CACNA1A: variants seen among roughly 807,000 people sequenced by gnomAD.
CACNA1A encodes calcium voltage-gated channel subunit alpha1 A, also known as voltage-dependent P/Q-type calcium channel subunit alpha-1A.
A neutral mutation model predicts 262.4 loss-of-function variants in CACNA1A; 57 were observed. The ratio of observed to expected loss-of-function variants is 0.22; its 90% CI spans 0.18 to 0.27. The LOEUF (loss-of-function observed/expected upper bound fraction) is 0.27, where lower values mean the gene tolerates loss of function less well. Ranked by LOEUF, CACNA1A falls within the 10% of genes least tolerant of loss-of-function variation. The pLI is 1.00. For synonymous variants in CACNA1A, 1,431 were observed against 1,419.3 expected, an observed-to-expected ratio of 1.01 and a Z score of -0.18; for missense variants, 2,526 against 3,562.8, an observed-to-expected ratio of 0.71 and a Z score of 7.41.
chr19:13,209,006 A>G lies in CACNA1A; in HGVS notation c.6530T>C (p.Leu2177Ser). ...GGTGGTCATGCTCAGGTCTGTCCCC[A>G]AGCCTGGGCCGGGTGAGGGTCAGAC... ...LGRYTDVDTGLGTDLSMTTQS... is the reference protein window; with the variant it reads ...LGRYTDVDTGSGTDLSMTTQS... Residue 2177 changes from leucine to serine, a missense_variant, in exon 46 of 47, where the codon TTG becomes TCG. By Grantham distance (145) the Leu-to-Ser change is moderately radical. Coordinates refer to ENST00000360228, the MANE Select transcript of CACNA1A (RefSeq NM_001127222.2). The G allele has an allele frequency of 6.5e-7, 1 of 1,536,968 alleles. No homozygotes were observed. The highest frequency in any genetic ancestry group is 8.7e-7 in the Non-Finnish European group (1 of 1,146,852).
chr19:13,483,592 G>A (rs1240289367), intron 1 of CACNA1A, among the ~76,000 whole-genome samples: 1 of 152,158 alleles, frequency 6.6e-6, no homozygotes, highest in Non-Finnish European at 1.5e-5. Flanking sequence ...AGCTGAAAAA[G>A]AGAGAAGAAT....
chr19:13,273,591 T>A (rs2057075333), intron 24 of CACNA1A: 1 of 152,132 alleles, frequency 6.6e-6, no homozygotes, highest in African/African-American at 2.4e-5. Context: ...TTGATGTGCA[T>A]TGTATTTTGT....
At chr19:13,352,738 A>T (rs2058935993) in intron 6 of CACNA1A, among the ~76,000 whole-genome samples, 1 of 152,126 alleles carries the variant, frequency 6.6e-6, no homozygotes, top group Non-Finnish European at 1.5e-5. Flanking sequence ...TCCTCTTAGG[A>T]ACCCTCCCTG....
intron 27 of CACNA1A, 101 bp downstream of exon 27, chr19:13,259,463 T>C (rs1166219811): frequency 7.6e-6 from 9 of 1,179,764 alleles, no homozygotes; most frequent in Non-Finnish European, 9.4e-6. Flanking sequence ...TGAGCCACCA[T>C]GCCCGGCCTC....
chr19:13,404,189 T>C (rs59052728), intron 3 of CACNA1A, among the ~76,000 whole-genome samples: 27,761 of 150,914 alleles, frequency 0.18, 5,241 homozygotes, highest in African/African-American at 0.47. Flanking sequence ...TATACACATA[T>C]ACACACACAC....
At chr19:13,342,950 G>T (rs1376368327) in intron 6 of CACNA1A, among the ~76,000 whole-genome samples, 2 of 151,974 alleles carry the variant, frequency 1.3e-5, no homozygotes, top group African/African-American at 4.8e-5. Flanking sequence ...GTAGAGAGGG[G>T]GTCTCTGTTG....
chr19:13,497,939 T>C (rs1237910363), intron 1 of CACNA1A, among the ~76,000 whole-genome samples: 1 of 151,736 alleles, frequency 6.6e-6, no homozygotes, highest in African/African-American at 2.4e-5. Context: ...GGGTGGACTG[T>C]TCCCAAGCTC....
At chr19:13,478,765 G>A (rs1978887328) in intron 1 of CACNA1A, among the ~76,000 whole-genome samples, 1 of 152,222 alleles carries the variant, frequency 6.6e-6, no homozygotes, top group African/African-American at 2.4e-5. Flanking sequence ...ATTTCCAGAT[G>A]AATGCTATTG....
chr19:13,246,448 G>A (rs903711737), intron 30 of CACNA1A, among the ~76,000 whole-genome samples: 1 of 152,068 alleles, frequency 6.6e-6, no homozygotes, highest in African/African-American at 2.4e-5. Flanking sequence ...TGTGAGCCTG[G>A]GTCCCTGGGT....
chr19:13,337,085 G>A (rs2058590545), intron 6 of CACNA1A, among the ~76,000 whole-genome samples: 1 of 152,230 alleles, frequency 6.6e-6, no homozygotes. Context: ...ATTACTACCA[G>A]GTGTCTGTGA....
chr19:13,300,478 C>T (rs974389467), intron 18 of CACNA1A, 72 bp downstream of exon 18: 15 of 1,106,512 alleles, frequency 1.4e-5, no homozygotes, highest in Non-Finnish European at 1.8e-5. Flanking sequence ...CCCACTGCTT[C>T]CCAAATCTGT....
Position 13,376,967 on chromosome 19 carries a change from A to ACATACATATATATATATGTATG in CACNA1A, c.540-5189_540-5188insCATACATATATATATATGTATG, listed in dbSNP as rs1568586741. 7.0e-5 allele frequency among the ~76,000 whole-genome samples: 10 copies of ACATACATATATATATATGTATG among 141,920 alleles called. 1 individual carries two copies. The highest frequency in any genetic ancestry group is 2.3e-4 in the African/African-American group (9 of 38,516). 93.1% of individuals were successfully genotyped at this position (141,920 alleles called of 152,430 possible). On this transcript the variant is annotated intron_variant, in intron 3 of 46. Coordinates refer to ENST00000360228, the MANE Select transcript of CACNA1A (RefSeq NM_001127222.2). ...ATTACATATAACATGTTATATATATATATGTATTTTAGATGAAGTCGCACT... is the reference window on the plus strand; with the variant it reads ...ATTACATATAACATGTTATATATATACATACATATATATATATGTATGTATGTATTTTAGATGAAGTCGCACT...
chr19:13,323,486 C>T (rs544429868), intron 10 of CACNA1A, among the ~76,000 whole-genome samples: 3 of 152,102 alleles, frequency 2.0e-5, no homozygotes, highest in Admixed American at 6.6e-5. Flanking sequence ...GACAGGGTCT[C>T]GGTCTCCTTC....
chr19:13,243,102 G>T (rs1414755852), intron 31 of CACNA1A, among the ~76,000 whole-genome samples: 3 of 152,200 alleles, frequency 2.0e-5, no homozygotes, highest in Non-Finnish European at 2.9e-5. Context: ...TTGGTTCAAG[G>T]CTGTCTTGTA....
rs116918837 is a variant in CACNA1A, at chr19:13,499,413, G to C, written c.293+6519C>G. Among the ~76,000 whole-genome samples the C allele has an allele frequency of 3.4e-4, 44 of 131,204 alleles. No individual in the cohort carries two copies. In the East Asian group the frequency reaches 9.5e-3, roughly 28 times the overall value. The allele number at this position is 131,204 out of a possible 152,430, so 86.1% of individuals were successfully genotyped here. A position where few individuals can be genotyped will look rare whatever the true frequency, so the allele number is the denominator to read the frequency against. On this transcript the variant is annotated intron_variant, in intron 1 of 46. Transcript: ENST00000360228. ...GTGGCTTTAAAGAGCGCCACGATCA[G>C]GTTAATCAATCCACACTGACCAGTC...
intron 43 of CACNA1A, chr19:13,211,891 C>T: frequency 1.8e-6 from 1 of 552,336 alleles, no homozygotes; most frequent in Non-Finnish European, 3.3e-6. Context: ...GCACTTTCCT[C>T]TCTGTCCTCT....
In CACNA1A at chr19:13,298,823, C is replaced by A. The variant is rs776984750; in HGVS notation, c.2810G>T (p.Gly937Val). 1 of 1,574,434 alleles carries A rather than the reference C, an allele frequency of 6.4e-7. No homozygotes were observed. Among genetic ancestry groups the A allele is most frequent in the Non-Finnish European group, 8.5e-7 (1 of 1,170,430 alleles). The change falls in exon 19 of 47, where the codon GGG becomes GTG. Residue 937 changes from glycine (G) to valine (V), a missense_variant. Physicochemically the swap from Gly to Val is moderately radical, Grantham distance 109. Transcript: ENST00000360228. The part of the protein sequence containing the change: ...DPHRRHVHRQ[G>V]GSRESRSGSP... The stretch of plus-strand genomic sequence containing the variant: ...CCCGCTGCGGCTCTCCCTGCTGCCC[C>A]CCTGCCGGTGCACGTGCCTCCGGTG...
intron 3 of CACNA1A, among the ~76,000 whole-genome samples, chr19:13,378,194 T>C (rs1378348784): frequency 6.6e-6 from 1 of 152,216 alleles, no homozygotes; most frequent in Non-Finnish European, 1.5e-5. Context: ...ACTGAATTGC[T>C]GCAGCCTCAT....
At chr19:13,223,387 T>C (rs1307552308) in intron 38 of CACNA1A, among the ~76,000 whole-genome samples, 1 of 151,630 alleles carries the variant, frequency 6.6e-6, no homozygotes, top group East Asian at 2.0e-4. Flanking sequence ...GAGACGGGGG[T>C]TTCACCACAT....
Sources: gnomAD v4.1 joint callset for allele counts (sites outside exome capture counted in the v4.1 genomes callset) on GRCh38, gnomAD v4.1.1 for gene constraint, MANE v1.5 for transcripts, NCBI Gene and HGNC (gene_info 2026-07-23, HGNC 2026-07-21) for gene names.